AGPAT5: variants seen among roughly 807,000 people sequenced by gnomAD.
The protein encoded by AGPAT5 is 1-acyl-sn-glycerol-3-phosphate acyltransferase epsilon.
A neutral mutation model predicts 45.6 loss-of-function variants in AGPAT5; 46 were observed. The observed-to-expected ratio is 1.01, with a 90% CI of 0.80 to 1.29. The LOEUF (loss-of-function observed/expected upper bound fraction) is 1.29, where lower values mean the gene tolerates loss of function less well. Among genes scored for constraint, AGPAT5 ranks in the 50% most tolerant of loss-of-function variants. The pLI is 0.00. For missense variants in AGPAT5, 673 were observed against 450.7 expected, an observed-to-expected ratio of 1.49 and a Z score of -4.47; for synonymous variants, 272 against 167.0, an observed-to-expected ratio of 1.63 and a Z score of -4.85.
rs1563295313 is a variant in AGPAT5 at position 6,735,848 on chromosome 8, C to CTTTTTTTTTTTT, written c.495+3198_495+3199insTTTTTTTTTTTT. 1.7e-4 allele frequency among the ~76,000 whole-genome samples: 9 copies of CTTTTTTTTTTTT among 53,614 alleles called. 2 individuals are homozygous for CTTTTTTTTTTTT. The highest frequency in any genetic ancestry group is 2.9e-4 in the Admixed American group (1 of 3,418). 35.2% of individuals were successfully genotyped at this position (53,614 alleles called of 152,430 possible). A position where few individuals can be genotyped will look rare whatever the true frequency, so the allele number is the denominator to read the frequency against. The stretch of plus-strand genomic sequence containing the variant: ...GTGTTCCTGTTTATTCTTTATATAG[C>CTTTTTTTTTTTT]CTTTTTTTTTTTTTTTTTTTTTTTG... On this transcript the variant is annotated intron_variant, in intron 4 of 7. Coordinates refer to ENST00000285518, the MANE Select transcript of AGPAT5 (RefSeq NM_018361.5).
chr8:6,721,091 G>C (rs941663051), intron 1 of AGPAT5, among the ~76,000 whole-genome samples: 2 of 152,126 alleles, frequency 1.3e-5, no homozygotes, highest in Non-Finnish European at 2.9e-5. Flanking sequence ...TTGATTATTG[G>C]GCAAGTAGCT....
chr8:6,746,544 A>T (rs1017620237), intron 5 of AGPAT5, among the ~76,000 whole-genome samples: 4 of 152,228 alleles, frequency 2.6e-5, no homozygotes, highest in African/African-American at 9.6e-5. Context: ...AGTGTTAACT[A>T]GTTTAACTGA....
At chr8:6,737,881 C>T (rs562615623) in intron 4 of AGPAT5, among the ~76,000 whole-genome samples, 7 of 152,280 alleles carry the variant, frequency 4.6e-5, no homozygotes, top group African/African-American at 1.7e-4. Context: ...ACGAACCAAC[C>T]TCTGCTAGCT....
At chr8:6,731,152 T>C (rs984015345) in intron 3 of AGPAT5, among the ~76,000 whole-genome samples, 2 of 152,192 alleles carry the variant, frequency 1.3e-5, no homozygotes, top group Non-Finnish European at 2.9e-5. Context: ...TGAACTGCCA[T>C]ACCCAACCCT....
intron 2 of AGPAT5, among the ~76,000 whole-genome samples, chr8:6,726,807 C>G (rs1800703227): frequency 1.3e-5 from 2 of 152,172 alleles, no homozygotes; most frequent in South Asian, 4.1e-4. Context: ...ACCGCTCTGG[C>G]ACCACATCCT....
intron 2 of AGPAT5, among the ~76,000 whole-genome samples, chr8:6,727,297 G>A (rs1177348154): frequency 6.6e-6 from 1 of 151,886 alleles, no homozygotes; most frequent in Non-Finnish European, 1.5e-5. Context: ...CTCTGTCTCT[G>A]TTAGCTTATT....
chr8:6,724,778 A>C (rs1300768425), intron 1 of AGPAT5, 92 bp from the exon 2 acceptor site: 1 of 402,852 alleles, frequency 2.5e-6, no homozygotes, highest in African/African-American at 2.1e-5. Context: ...AATATTCACA[A>C]CATCATTCGT....
intron 4 of AGPAT5, among the ~76,000 whole-genome samples, chr8:6,736,495 C>G (rs1801057492): frequency 6.6e-6 from 1 of 152,190 alleles, no homozygotes; most frequent in South Asian, 2.1e-4. Flanking sequence ...ATTTCAGTGC[C>G]TAAAGTCTTG....
chr8:6,727,565 G>A (rs1366381507), intron 2 of AGPAT5, among the ~76,000 whole-genome samples: 3 of 152,146 alleles, frequency 2.0e-5, no homozygotes, highest in Admixed American at 6.5e-5. Context: ...ATTTTCAGTA[G>A]AGATGGGGTT....
chr8:6,735,829 C>T (rs1420498492), intron 4 of AGPAT5, among the ~76,000 whole-genome samples: 1 of 145,760 alleles, frequency 6.9e-6, no homozygotes, highest in African/African-American at 2.5e-5. Context: ...CAGAGTGTTC[C>T]TGTTTATTCT....
chr8:6,730,228 CAA>C (rs374337325), intron 2 of AGPAT5, among the ~76,000 whole-genome samples: 4 of 109,648 alleles, frequency 3.6e-5, no homozygotes, highest in Admixed American at 9.0e-5. Context: ...TCAAGAAATG[CAA>C]AAAAAAAAAG....
intron 4 of AGPAT5, chr8:6,738,394 C>G (rs1310677729): frequency 6.6e-6 from 1 of 152,148 alleles, no homozygotes; most frequent in Admixed American, 6.5e-5. Flanking sequence ...TCAGAACACA[C>G]ACGACATTTA....
At chr8:6,720,290 C>A (rs914019502) in intron 1 of AGPAT5, among the ~76,000 whole-genome samples, 8 of 152,130 alleles carry the variant, frequency 5.3e-5, no homozygotes, top group Non-Finnish European at 1.2e-4. Flanking sequence ...ATTTCTGGTG[C>A]CAGATTACCT....
At chr8:6,708,983 C>A in intron 1 of AGPAT5, 96 bp downstream of exon 1, 1 of 1,227,094 alleles carries the variant, frequency 8.1e-7, no homozygotes, top group Non-Finnish European at 1.2e-6. Flanking sequence ...GTCACCCGGC[C>A]GGCCCGGCGG....
chr8:6,754,591 T>C (rs1156961504), intron 6 of AGPAT5, among the ~76,000 whole-genome samples: 1 of 152,150 alleles, frequency 6.6e-6, no homozygotes, highest in Non-Finnish European at 1.5e-5. Context: ...ACCAGCTTCC[T>C]CTCGGCCCCT....
chr8:6,709,104 G>C (rs561588911), intron 1 of AGPAT5: 54 of 613,408 alleles, frequency 8.8e-5, no homozygotes, highest in African/African-American at 8.3e-4. Flanking sequence ...CTGAGGCTAC[G>C]AGTGGGACCC....
At chr8:6,720,540 T>G (rs1800464510) in intron 1 of AGPAT5, among the ~76,000 whole-genome samples, 1 of 152,134 alleles carries the variant, frequency 6.6e-6, no homozygotes, top group South Asian at 2.1e-4. Context: ...GACCCCAATA[T>G]TGGCCAGAAC....
intron 5 of AGPAT5, among the ~76,000 whole-genome samples, chr8:6,747,349 C>T (rs913154416): frequency 1.3e-5 from 2 of 152,210 alleles, no homozygotes; most frequent in African/African-American, 4.8e-5. Flanking sequence ...CACCTTTGTT[C>T]AGTGGCCAGA....
chr8:6,713,861 T>C (rs1800236133), intron 1 of AGPAT5, among the ~76,000 whole-genome samples: 1 of 152,244 alleles, frequency 6.6e-6, no homozygotes, highest in Non-Finnish European at 1.5e-5. Flanking sequence ...GAAACATTGT[T>C]CCAAGTTTCT....
Sources: gnomAD v4.1 joint callset for allele counts (sites outside exome capture counted in the v4.1 genomes callset) on GRCh38, gnomAD v4.1.1 for gene constraint, MANE v1.5 for transcripts, NCBI Gene and HGNC (gene_info 2026-07-23, HGNC 2026-07-21) for gene names.